ABCB11: variants seen among roughly 807,000 people sequenced by gnomAD.
ABCB11 encodes bile salt export pump.
In ABCB11, 95 loss-of-function variants were observed where a neutral mutation model predicts 148.0. The observed-to-expected ratio is 0.64, with a 90% CI of 0.54 to 0.76. The LOEUF is 0.76. ABCB11 is among the 30% of genes least tolerant of loss of function. The pLI is 0.00. For missense variants in ABCB11, 1,523 were observed against 1,617.8 expected, an observed-to-expected ratio of 0.94 and a Z score of 1.01; for synonymous variants, 591 against 555.4, an observed-to-expected ratio of 1.06 and a Z score of -0.90.
chr2:169,016,768 A>C lies in ABCB11; in HGVS notation c.98+10T>G, dbSNP rs1233474898. ...GAAAAGATGCTGCATTGTTGAAATCAGTCACTTACCTTGATTTCTTATCAT... is the reference window on the plus strand; with the variant it reads ...GAAAAGATGCTGCATTGTTGAAATCCGTCACTTACCTTGATTTCTTATCAT... On this transcript the variant is annotated intron_variant, in intron 3 of 27. Coordinates refer to ENST00000650372, the MANE Select transcript of ABCB11 (RefSeq NM_003742.4). 3 of 1,596,654 alleles carry C rather than the reference A, an allele frequency of 1.9e-6. No individual in the cohort carries two copies. The East Asian group carries it at 6.7e-5, about 36-fold the overall frequency.
rs116080461 is a variant in ABCB11, at chr2:169,024,878, T to C, written c.-28+6347A>G. Among the ~76,000 whole-genome samples the C allele has an allele frequency of 9.0e-3, 1,365 of 152,280 alleles. 16 individuals carry two copies. The highest frequency in any genetic ancestry group is 0.03 in the African/African-American group (1,264 of 41,550). On this transcript the variant is annotated intron_variant, in intron 1 of 27. Transcript: ENST00000650372. ...TAAGAAATATTATTTAATTAAGTAGTTTATGAGGCTGGTTTAAAATATACT... is the reference window on the plus strand; with the variant it reads ...TAAGAAATATTATTTAATTAAGTAGCTTATGAGGCTGGTTTAAAATATACT...
Position 168,932,836 on chromosome 2 carries a change from G to T in ABCB11, c.3057-303C>A, listed in dbSNP as rs72886717. On this transcript the variant is annotated intron_variant, in intron 23 of 27. Coordinates refer to ENST00000650372, the MANE Select transcript of ABCB11 (RefSeq NM_003742.4). ...CCTTTAAGAAAATTGTTGGCCAGGC[G>T]CGGTGGCTCACTCCTGTAATCCCAG... Among the ~76,000 whole-genome samples the T allele has an allele frequency of 6.2e-3, 950 of 152,192 alleles. 10 individuals carry two copies. Among genetic ancestry groups the T allele is most frequent in the Non-Finnish European group, 7.4e-3 (500 of 68,006 alleles).
intron 19 of ABCB11, among the ~76,000 whole-genome samples, chr2:168,957,439 A>G (rs143831948): frequency 2.0e-5 from 3 of 151,852 alleles, no homozygotes; most frequent in Non-Finnish European, 4.4e-5. Flanking sequence ...GAAGTGAAAA[A>G]TTGGAATAAG....
At chr2:169,026,242 T>C (rs374664833) in intron 1 of ABCB11, among the ~76,000 whole-genome samples, 22 of 152,244 alleles carry the variant, frequency 1.4e-4, no homozygotes, top group Admixed American at 1.0e-3. Context: ...CTTTTGTTTG[T>C]TTTCTTTGTT....
At chr2:169,023,869 C>CT (rs1272472671) in intron 1 of ABCB11, among the ~76,000 whole-genome samples, 2 of 152,148 alleles carry the variant, frequency 1.3e-5, no homozygotes, top group Non-Finnish European at 2.9e-5. Flanking sequence ...GTTTTAATTT[C>CT]TTAAAACAAA....
intron 21 of ABCB11, among the ~76,000 whole-genome samples, chr2:168,944,281 CT>C (rs994874394): frequency 1.8e-5 from 2 of 111,140 alleles, no homozygotes; most frequent in African/African-American, 2.7e-5. Flanking sequence ...CACCCACCCC[CT>C]GGGGGGCAGT....
chr2:169,027,390 A>G (rs1470403974), intron 1 of ABCB11, among the ~76,000 whole-genome samples: 1 of 152,216 alleles, frequency 6.6e-6, no homozygotes, highest in Non-Finnish European at 1.5e-5. Flanking sequence ...TAACCTGCAC[A>G]CTATATGCGC....
Position 168,932,469 on chromosome 2 carries a change from A to G in ABCB11, c.3121T>C (p.Tyr1041His). The G allele has an allele frequency of 2.5e-6, 4 of 1,613,460 alleles. No homozygotes were observed. Among genetic ancestry groups the G allele is most frequent in the Non-Finnish European group, 3.4e-6 (4 of 1,179,714 alleles). Residue 1041 changes from tyrosine (Y) to histidine (H), a missense_variant, in exon 24 of 28, where the codon TAT becomes CAT. Coordinates refer to ENST00000650372, the MANE Select transcript of ABCB11 (RefSeq NM_003742.4). ...GCAGCTGATATTTTAGCTTTTGCAT[A>G]ACTTGGGGTGTAAGAGAAGGCTCTT... ...LGRAFSYTPS[Y>H]AKAKISAARF...
chr2:169,012,760 AAG>A (rs370976141), intron 5 of ABCB11, among the ~76,000 whole-genome samples: 38 of 151,558 alleles, frequency 2.5e-4, no homozygotes, highest in African/African-American at 8.5e-4. Flanking sequence ...AAAAAGAAAA[AAG>A]AAAAAAACAA....
intron 7 of ABCB11, among the ~76,000 whole-genome samples, chr2:168,994,588 A>G (rs952304560): frequency 8.5e-5 from 13 of 152,128 alleles, no homozygotes; most frequent in African/African-American, 2.9e-4. Context: ...CGCCTATCAT[A>G]TAATAAACAA....
At chr2:168,930,551 G>A (rs914706625) in intron 25 of ABCB11, 114 bp downstream of exon 25, 4 of 771,482 alleles carry the variant, frequency 5.2e-6, no homozygotes, top group South Asian at 3.9e-5. Flanking sequence ...TGGGGTAAGT[G>A]CCTTAGGCAA....
chr2:168,933,878 A>G (rs1237276964), intron 23 of ABCB11, among the ~76,000 whole-genome samples: 2 of 152,050 alleles, frequency 1.3e-5, no homozygotes, highest in Non-Finnish European at 2.9e-5. Flanking sequence ...CAGCCTCCCA[A>G]GTAGCTGGGA....
At chr2:168,984,873 C>T (rs1413874823) in intron 10 of ABCB11, among the ~76,000 whole-genome samples, 1 of 151,994 alleles carries the variant, frequency 6.6e-6, no homozygotes, top group Non-Finnish European at 1.5e-5. Context: ...TTGGCCTAGG[C>T]AAAGATTTCA....
At chr2:168,934,040 G>A (rs897895182) in intron 23 of ABCB11, among the ~76,000 whole-genome samples, 5 of 151,972 alleles carry the variant, frequency 3.3e-5, no homozygotes, top group Admixed American at 6.5e-5. Flanking sequence ...ATGAGCCACC[G>A]CACCCAGCCT....
chr2:168,969,133 G>A (rs923590348), intron 16 of ABCB11, among the ~76,000 whole-genome samples: 3,603 of 139,530 alleles, frequency 0.026, 66 homozygotes, highest in African/African-American at 0.049. Context: ...AAAAAAAAAG[G>A]GGGGGATGGA....
chr2:169,003,962 G>T (rs1025897504), intron 5 of ABCB11, among the ~76,000 whole-genome samples: 1 of 152,162 alleles, frequency 6.6e-6, no homozygotes, highest in African/African-American at 2.4e-5. Flanking sequence ...TTTGGTTAAT[G>T]AGGCTAAAAA....
At chr2:169,008,696 A>C (rs1366195558) in intron 5 of ABCB11, among the ~76,000 whole-genome samples, 2 of 152,176 alleles carry the variant, frequency 1.3e-5, no homozygotes, top group Non-Finnish European at 2.9e-5. Context: ...TGTTAGCAGA[A>C]ATGTAAATGG....
rs62171008 is a variant in ABCB11 at position 168,957,619 on chromosome 2, A to G, written c.2343+345T>C. ...GTTCAGCAAGATCAAAATTTCCCTAAAAGCCTTTTGTATTATTCAGTGAAT... is the reference window on the plus strand; with the variant it reads ...GTTCAGCAAGATCAAAATTTCCCTAGAAGCCTTTTGTATTATTCAGTGAAT... On this transcript the variant is annotated intron_variant, in intron 19 of 27. Transcript: ENST00000650372. Among the ~76,000 whole-genome samples, 929 of 151,838 alleles carry G rather than the reference A, an allele frequency of 6.1e-3. 5 individuals carry two copies. The highest frequency in any genetic ancestry group is 9.4e-3 in the Non-Finnish European group (637 of 67,768).
chr2:168,959,934 C>CAAAAAAAAAAAAAAAAAAAAAAA (rs375450217), intron 18 of ABCB11, among the ~76,000 whole-genome samples: 1 of 87,202 alleles, frequency 1.1e-5, no homozygotes, highest in Non-Finnish European at 2.1e-5. Flanking sequence ...ACTGCATCTC[C>CAAAAAAAAAAAAAAAAAAAAAAA]AAAAAAAAAA....
Sources: gnomAD v4.1 joint callset for allele counts (sites outside exome capture counted in the v4.1 genomes callset) on GRCh38, gnomAD v4.1.1 for gene constraint, MANE v1.5 for transcripts, NCBI Gene and HGNC (gene_info 2026-07-23, HGNC 2026-07-21) for gene names.